USP54: variants seen among roughly 807,000 people sequenced by gnomAD.
USP54 encodes ubiquitin carboxyl-terminal hydrolase 54.
A neutral mutation model predicts 170.5 loss-of-function variants in USP54; 87 were observed. The observed-to-expected ratio is 0.51, with a 90% CI of 0.43 to 0.61. The LOEUF (loss-of-function observed/expected upper bound fraction) is 0.61, where lower values mean the gene tolerates loss of function less well. Among genes scored for constraint, USP54 ranks in the 20% least tolerant of loss-of-function variants. The pLI, the probability that USP54 is intolerant of heterozygous loss-of-function variation, is 0.00. For synonymous variants in USP54, 655 were observed against 742.8 expected (o/e 0.88, Z 1.92); for missense variants, 1,786 against 2,047.8 (o/e 0.87, Z 2.47).
chr10:73,616,335 C>CAAAAAAAAAAAAAAAAAAAA (rs60197778), intron 1 of USP54, among the ~76,000 whole-genome samples: 1 of 25,776 alleles, frequency 3.9e-5, no homozygotes, highest in African/African-American at 1.8e-4. Flanking sequence ...GACTCCATCT[C>CAAAAAAAAAAAAAAAAAAAA]AAAAAAAAAA....
At chr10:73,506,488 A>T (rs963335199) in intron 20 of USP54, 2 of 152,174 alleles carry the variant, frequency 1.3e-5, no homozygotes, top group South Asian at 2.1e-4. Flanking sequence ...CATTTGATAC[A>T]TATGTCCATG....
intron 1 of USP54, chr10:73,614,967 C>CA (rs1243242265): frequency 6.7e-6 from 1 of 150,122 alleles, no homozygotes; most frequent in African/African-American, 2.5e-5. Flanking sequence ...GTTTAAAATA[C>CA]AGGGATACAC....
chr10:73,530,322 A>G lies in USP54; in HGVS notation c.1649T>C (p.Leu550Ser). Residue 550 changes from leucine (L) to serine (S), a missense_variant, in exon 14 of 24, where the codon TTA becomes TCA. This residue lies in a region of USP54 where 1,418 missense variants were observed against 1,569.0 expected (regional missense o/e 0.90). Transcript: ENST00000687698. Reference protein sequence around the residue: ...PDKKPPRTLPLHSRDWEIEST... With the variant: ...PDKKPPRTLPSHSRDWEIEST... ...CTCTATTTCCCAGTCACGAGAGTGT[A>G]AAGGCAGGGTCCTAGGAGGTTTTTT... The G allele has an allele frequency of 1.9e-6, 3 of 1,614,144 alleles. No individual in the cohort carries two copies. The highest frequency in any genetic ancestry group is 2.5e-6 in the Non-Finnish European group (3 of 1,180,034).
chr10:73,608,803 G>A (rs1249549242), intron 1 of USP54, among the ~76,000 whole-genome samples: 1 of 152,052 alleles, frequency 6.6e-6, no homozygotes, highest in Non-Finnish European at 1.5e-5. Flanking sequence ...AGGCTGAGGT[G>A]GAAGGATCAC....
intron 1 of USP54, among the ~76,000 whole-genome samples, chr10:73,585,453 C>T (rs1001865903): frequency 6.6e-6 from 1 of 152,144 alleles, no homozygotes; most frequent in South Asian, 2.1e-4. Context: ...AAGGGAAGCC[C>T]AGGTGTCACA....
At chr10:73,519,411 T>C (rs2061565299) in intron 19 of USP54, 1 of 243,880 alleles carries the variant, frequency 4.1e-6, no homozygotes, top group African/African-American at 2.2e-5. Flanking sequence ...TCTGCTTCCA[T>C]AAGGATAGGA....
At chr10:73,592,726 G>A (rs1370857503), upstream of USP54, among the ~76,000 whole-genome samples, 1 of 152,108 alleles carries the variant, frequency 6.6e-6, no homozygotes, top group Non-Finnish European at 1.5e-5. Context: ...AGAGTACTGG[G>A]ACAGAGTTAC....
intron 7 of USP54, among the ~76,000 whole-genome samples, chr10:73,542,245 C>T (rs772610167): frequency 1.3e-5 from 2 of 152,050 alleles, no homozygotes; most frequent in African/African-American, 4.8e-5. Flanking sequence ...ATTACAGGCA[C>T]GCGCAACCAT....
In USP54 at chr10:73,499,149, T is replaced by C. The variant is rs1387949857; in HGVS notation, c.4535A>G (p.Asp1512Gly). 1 of 1,613,404 alleles carries C rather than the reference T, an allele frequency of 6.2e-7. No individual in the cohort carries two copies. The highest frequency in any genetic ancestry group is 1.3e-5 in the African/African-American group (1 of 74,844). The change falls in exon 24 of 24, where the codon GAC (aspartate) becomes GGC (glycine). Residue 1512 changes from aspartate (D) to glycine (G), a missense_variant. Asp to Gly is a moderately conservative substitution (Grantham distance 94). Around this residue, in one of 3 missense-constraint regions of USP54, gnomAD observed 1,418 missense variants for 1,569.0 expected, o/e 0.90. Transcript: ENST00000687698. ...RSVQQFLAMCDRGETSQGAKY... is the reference protein window; with the variant it reads ...RSVQQFLAMCGRGETSQGAKY... ...GGCCCCTTGGGAAGTTTCACCCCTG[T>C]CACACATAGCCAGAAACTGCTGGAC...
intron 19 of USP54, 75 bp downstream of exon 19, chr10:73,519,722 G>T (rs2061615475): frequency 4.4e-6 from 7 of 1,592,744 alleles, no homozygotes; most frequent in Non-Finnish European, 6.0e-6. Context: ...AAGACAATGA[G>T]AGCTCTTGCT....
Position 73,575,670 on chromosome 10 carries a change from T to A in USP54, c.-12A>T. 1 of 1,565,260 alleles carries A rather than the reference T, an allele frequency of 6.4e-7. No homozygotes were observed. Among genetic ancestry groups the A allele is most frequent in the Non-Finnish European group, 8.7e-7 (1 of 1,153,702 alleles). On this transcript the variant is annotated 5_prime_UTR_variant, in exon 3 of 24. An upstream start codon of the reference 5' UTR is lost. Coordinates refer to ENST00000687698, the MANE Select transcript of USP54 (RefSeq NM_001391956.1). ...CTCTTCCAAGACATTATTGTTCACA[T>A]TTAGCCTGAAAAAAAAATGGAGAAG...
At chr10:73,508,177 C>T (rs530482916) in intron 20 of USP54, among the ~76,000 whole-genome samples, 35 of 152,142 alleles carry the variant, frequency 2.3e-4, no homozygotes, top group Non-Finnish European at 4.0e-4. Flanking sequence ...GGAGGCGAGG[C>T]GGGTGGATAA....
At chr10:73,536,159 C>T (rs1332308355) in intron 11 of USP54, 110 bp downstream of exon 11, 1 of 1,443,548 alleles carries the variant, frequency 6.9e-7, no homozygotes, top group Non-Finnish European at 9.5e-7. Context: ...TCTAATGGAT[C>T]CTCTTTCTCC....
At chr10:73,568,649 G>A (rs1188562285) in intron 4 of USP54, among the ~76,000 whole-genome samples, 1 of 152,062 alleles carries the variant, frequency 6.6e-6, no homozygotes, top group Admixed American at 6.6e-5. Context: ...AAGCAGTGAA[G>A]GAAAATAAAT....
chr10:73,517,496 G>A lies in USP54; in HGVS notation c.2930C>T (p.Ala977Val). Residue 977 changes from alanine (A) to valine (V), a missense_variant, in exon 20 of 24, where the codon GCA becomes GTA. Around this residue, in one of 3 missense-constraint regions of USP54, gnomAD observed 1,418 missense variants for 1,569.0 expected, o/e 0.90. Coordinates refer to ENST00000687698, the MANE Select transcript of USP54 (RefSeq NM_001391956.1). The part of the protein sequence containing the change: ...SAFHRQGLPK[A>V]PGWTEKNSHH... ...AGAATTCTTCTCAGTCCACCCTGGTGCTTTAGGTAAACCTTGCCTGTGGAA... is the reference window on the plus strand; with the variant it reads ...AGAATTCTTCTCAGTCCACCCTGGTACTTTAGGTAAACCTTGCCTGTGGAA... 1 of 1,614,216 alleles carries A rather than the reference G, an allele frequency of 6.2e-7. No individual in the cohort carries two copies. Among genetic ancestry groups the A allele is most frequent in the Non-Finnish European group, 8.5e-7 (1 of 1,180,044 alleles).
intron 4 of USP54, among the ~76,000 whole-genome samples, chr10:73,550,163 A>G (rs893211162): frequency 6.6e-6 from 1 of 152,168 alleles, no homozygotes; most frequent in Non-Finnish European, 1.5e-5. Context: ...ATCTCAGATG[A>G]TCCACCTGCC....
intron 4 of USP54, among the ~76,000 whole-genome samples, chr10:73,561,088 C>T (rs1379291187): frequency 4.1e-5 from 5 of 121,348 alleles, no homozygotes; most frequent in African/African-American, 1.6e-4. Flanking sequence ...CTGGGCGACA[C>T]AGCGAGACTC....
chr10:73,550,203 C>T (rs12784753), intron 4 of USP54, among the ~76,000 whole-genome samples: 1 of 152,180 alleles, frequency 6.6e-6, no homozygotes, highest in African/African-American at 2.4e-5. Context: ...GGATAACAGG[C>T]GTGGGCCACC....
chr10:73,591,344 C>G (rs1589347547), upstream of USP54: 1 of 151,908 alleles, frequency 6.6e-6, no homozygotes, highest in South Asian at 2.1e-4. Context: ...GCAAGTGATA[C>G]AAGAATGGGG....
Sources: allele counts gnomAD v4.1 joint callset (sites outside exome capture counted in the v4.1 genomes callset), GRCh38; gene constraint gnomAD v4.1.1; regional missense constraint gnomAD v4.1.1; transcripts MANE v1.5; gene names NCBI Gene and HGNC (gene_info 2026-07-23, HGNC 2026-07-21).